The following CDC73 variants were observed in gnomAD, a reference collection of about 807,000 sequenced individuals.
CDC73 encodes the protein parafibromin.
CDC73 carries 21 observed loss-of-function variants against 83.7 expected under a neutral mutation model. The ratio of observed to expected loss-of-function variants is 0.25; its 90% CI spans 0.18 to 0.36. The LOEUF (loss-of-function observed/expected upper bound fraction) is 0.36, where lower values mean the gene tolerates loss of function less well. CDC73 is among the 10% of genes least tolerant of loss of function. CDC73 has a pLI of 1.00. For synonymous variants in CDC73, 224 were observed against 212.9 expected, an observed-to-expected ratio of 1.05 and a Z score of -0.45; for missense variants, 342 against 653.3, an observed-to-expected ratio of 0.52 and a Z score of 5.19.
chr1:193,236,183 A>G, intron 14 of CDC73, 73 bp from the exon 15 acceptor site: 1 of 883,786 alleles, frequency 1.1e-6, no homozygotes, highest in Non-Finnish European at 2.0e-6. Context: ...AGGGATTTAT[A>G]GTAGCTAAAG....
At chr1:193,158,468 C>A (rs1384542788) in intron 10 of CDC73, among the ~76,000 whole-genome samples, 1 of 151,230 alleles carries the variant, frequency 6.6e-6, no homozygotes, top group African/African-American at 2.4e-5. Flanking sequence ...TTGAGACCAG[C>A]CTGTGCAAAG....
At chr1:193,164,221 C>T (rs541748692) in intron 10 of CDC73, among the ~76,000 whole-genome samples, 1 of 152,322 alleles carries the variant, frequency 6.6e-6, no homozygotes, top group Non-Finnish European at 1.5e-5. Context: ...TTTCAGTCAA[C>T]ATATTTTCTG....
At chr1:193,239,078 A>G (rs973708222) in intron 15 of CDC73, among the ~76,000 whole-genome samples, 2 of 152,212 alleles carry the variant, frequency 1.3e-5, no homozygotes, top group Non-Finnish European at 2.9e-5. Flanking sequence ...TCTAAAAATT[A>G]TGTCTTTAGC....
chr1:193,188,073 G>A (rs1347785228), intron 10 of CDC73, among the ~76,000 whole-genome samples: 2 of 152,180 alleles, frequency 1.3e-5, no homozygotes, highest in Admixed American at 6.5e-5. Flanking sequence ...TTGTAGATCA[G>A]TATTTATTTA....
rs146571552 is a variant in CDC73, at chr1:193,233,025, G to A, written c.1187G>A (p.Gly396Asp). 6.2e-7 allele frequency: 1 copy of A among 1,613,732 alleles called. No homozygotes were observed. The highest frequency in any genetic ancestry group is 1.3e-5 in the African/African-American group (1 of 74,888). Residue 396 changes from glycine (G) to aspartate (D), a missense_variant, in exon 14 of 17, where the codon GGT (glycine) becomes GAT (aspartate). Gly to Asp is a moderately conservative substitution (Grantham distance 94). Coordinates refer to ENST00000367435, the MANE Select transcript of CDC73 (RefSeq NM_024529.5). ...CCATCAGATGAAAAGAAGAAACAAG[G>A]TTGTCAACGAGAAAATGAAACTCTA... is the stretch of plus-strand genomic sequence containing the variant. ...FVPSDEKKKQ[G>D]CQRENETLIQ...
chr1:193,239,498 CAAATA>C (rs1336216950), intron 15 of CDC73, among the ~76,000 whole-genome samples: 5 of 151,964 alleles, frequency 3.3e-5, no homozygotes, highest in African/African-American at 7.2e-5. Context: ...ATAAAATTGC[CAAATA>C]AAATCTTTAC....
chr1:193,195,940 C>T (rs533696929), intron 10 of CDC73, among the ~76,000 whole-genome samples: 14 of 152,064 alleles, frequency 9.2e-5, no homozygotes, highest in Admixed American at 2.6e-4. Flanking sequence ...TATTTTTTCC[C>T]TTCCTGTAGG....
intron 6 of CDC73, among the ~76,000 whole-genome samples, chr1:193,139,264 G>T (rs1675859340): frequency 6.6e-6 from 1 of 150,536 alleles, no homozygotes; most frequent in Non-Finnish European, 1.5e-5. Context: ...TCTGAAGTTT[G>T]TTTTGCTCTT....
chr1:193,151,611 C>T (rs1676112808), intron 9 of CDC73, among the ~76,000 whole-genome samples: 1 of 152,186 alleles, frequency 6.6e-6, no homozygotes. Flanking sequence ...TCATTATTTA[C>T]AACATTGCTT....
At chr1:193,158,571 CATAATT>C (rs774435992) in intron 10 of CDC73, among the ~76,000 whole-genome samples, 73 of 152,090 alleles carry the variant, frequency 4.8e-4, no homozygotes, top group Middle Eastern at 3.4e-3. Flanking sequence ...TATGTAGTTA[CATAATT>C]ATAAGTAGGA....
chr1:193,122,770 C>T (rs573701869), intron 1 of CDC73, among the ~76,000 whole-genome samples: 9 of 151,970 alleles, frequency 5.9e-5, no homozygotes, highest in Admixed American at 5.9e-4. Flanking sequence ...CTTTGCAACT[C>T]CTGGTTTATT....
intron 2 of CDC73, among the ~76,000 whole-genome samples, chr1:193,129,264 G>A (rs1675646859): frequency 6.6e-6 from 1 of 151,830 alleles, no homozygotes; most frequent in Non-Finnish European, 1.5e-5. Flanking sequence ...CCAAAGTGCT[G>A]GGATTACAGG....
intron 13 of CDC73, among the ~76,000 whole-genome samples, chr1:193,216,595 G>C (rs1677371760): frequency 6.6e-6 from 1 of 151,676 alleles, no homozygotes; most frequent in Admixed American, 6.6e-5. Flanking sequence ...CTCATTCTGT[G>C]AAGCCAGCAT....
intron 10 of CDC73, among the ~76,000 whole-genome samples, chr1:193,175,649 A>G (rs777997725): frequency 2.0e-4 from 31 of 152,260 alleles, no homozygotes; most frequent in Non-Finnish European, 4.0e-4. Flanking sequence ...AACTATTTAC[A>G]TAGCATTTAA....
rs1572226215 is a variant in CDC73, at chr1:193,249,719, CCT to C, written c.1418-6_1418-5del. On this transcript the variant is annotated splice_polypyrimidine_tract_variant and intron_variant, in intron 15 of 16. Coordinates refer to ENST00000367435, the MANE Select transcript of CDC73 (RefSeq NM_024529.5). The stretch of plus-strand genomic sequence containing the variant: ...AGTAAAAATGATAACTTCTCTCCAC[CCT>C]CTCTATAGTTAAAGCCTTCCATCTG... 1 of 1,600,632 alleles carries C rather than the reference CCT, an allele frequency of 6.2e-7. No homozygotes were observed. The highest frequency in any genetic ancestry group is 1.7e-4 in the Middle Eastern group (1 of 6,020).
At chr1:193,213,217 T>A (rs1677307281) in intron 13 of CDC73, among the ~76,000 whole-genome samples, 1 of 152,182 alleles carries the variant, frequency 6.6e-6, no homozygotes, top group Non-Finnish European at 1.5e-5. Context: ...TGGCTATAGT[T>A]TACAGAAGAA....
intron 10 of CDC73, among the ~76,000 whole-genome samples, chr1:193,169,110 T>C (rs1327637024): frequency 6.6e-6 from 1 of 152,258 alleles, no homozygotes; most frequent in Non-Finnish European, 1.5e-5. Context: ...CAACTGTTTA[T>C]TTCTAATTCA....
chr1:193,240,526 C>A (rs1275486276), intron 15 of CDC73, among the ~76,000 whole-genome samples: 1 of 152,076 alleles, frequency 6.6e-6, no homozygotes, highest in African/African-American at 2.4e-5. Context: ...ATCTGTTACT[C>A]TGTTTTTAGT....
In CDC73 at chr1:193,204,194, CAT is replaced by C. The variant is rs747968406; in HGVS notation, c.1030+350_1030+351del. Reference sequence around the variant, plus strand: ...TTATATATATATATACACACACACACATATATATACGTGTATATATATGTATA... The same window carrying C: ...TTATATATATATATACACACACACACATATATACGTGTATATATATGTATA... On this transcript the variant is annotated intron_variant, in intron 11 of 16. Transcript: ENST00000367435. 2.0e-3 allele frequency among the ~76,000 whole-genome samples: 194 copies of C among 98,164 alleles called. 2 individuals are homozygous for C. The highest frequency in any genetic ancestry group is 6.0e-3 in the Admixed American group (52 of 8,652). The allele number at this position is 98,164 out of a possible 152,430, so 64.4% of individuals were successfully genotyped here. A position where few individuals can be genotyped will look rare whatever the true frequency, so the allele number is the denominator to read the frequency against.
Sources: gnomAD v4.1 joint callset for allele counts (sites outside exome capture counted in the v4.1 genomes callset) on GRCh38, gnomAD v4.1.1 for gene constraint, MANE v1.5 for transcripts, NCBI Gene and HGNC (gene_info 2026-07-23, HGNC 2026-07-21) for gene names.